Variants in RTN4RL2 observed in about 807,000 individuals in gnomAD.
RTN4RL2 encodes the protein reticulon-4 receptor-like 2.
A neutral mutation model predicts 27.8 loss-of-function variants in RTN4RL2; 9 were observed. The ratio of observed to expected loss-of-function variants is 0.32; its 90% CI spans 0.20 to 0.57. The LOEUF (loss-of-function observed/expected upper bound fraction) is 0.57. Among genes scored for constraint, RTN4RL2 ranks in the 20% least tolerant of loss-of-function variants. The probability of loss-of-function intolerance (pLI) is 0.90; values close to 1 mark genes in which losing one functional copy is unlikely to be tolerated. For missense variants in RTN4RL2, 436 were observed against 596.8 expected, an observed-to-expected ratio of 0.73 and a Z score of 2.81; for synonymous variants, 285 against 297.9, an observed-to-expected ratio of 0.96 and a Z score of 0.45.
chr11:57,460,888 T>C lies in RTN4RL2; in HGVS notation c.23T>C (p.Leu8Pro). Residue 8 changes from leucine (L) to proline (P), a missense_variant, in exon 1 of 3, where the codon CTG (leucine) becomes CCG (proline). Leu to Pro is a moderately conservative substitution (Grantham distance 98, BLOSUM62 -3). Coordinates refer to ENST00000335099, the MANE Select transcript of RTN4RL2 (RefSeq NM_178570.3). MLPGLRR[L>P]LQAPASACLL... ...AAGATGCTGCCCGGGCTCAGGCGCCTGCTGCAAGGTAAGAACGCCAGCGGC... is the reference window on the plus strand; with the variant it reads ...AAGATGCTGCCCGGGCTCAGGCGCCCGCTGCAAGGTAAGAACGCCAGCGGC... The C allele has an allele frequency of 7.1e-7, 1 of 1,403,906 alleles. No homozygotes were observed. The highest frequency in any genetic ancestry group is 9.4e-7 in the Non-Finnish European group (1 of 1,064,878). The allele number at this position is 1,403,906 out of a possible 1,614,324, so 87.0% of individuals were successfully genotyped here. A position where few individuals can be genotyped will look rare whatever the true frequency, so the allele number is the denominator to read the frequency against.
intron 2 of RTN4RL2, among the ~76,000 whole-genome samples, chr11:57,470,679 G>C (rs936565250): frequency 6.6e-6 from 1 of 152,016 alleles, no homozygotes; most frequent in East Asian, 1.9e-4. Context: ...TACTAATACT[G>C]AGATCAAATA....
intron 1 of RTN4RL2, among the ~76,000 whole-genome samples, chr11:57,464,841 C>G (rs1290573923): frequency 6.6e-6 from 1 of 152,172 alleles, no homozygotes; most frequent in African/African-American, 2.4e-5. Context: ...CTCCACCCCA[C>G]GTGGGTCTAA....
chr11:57,475,239 G>GA (rs759260859), intron 2 of RTN4RL2, among the ~76,000 whole-genome samples: 7 of 152,172 alleles, frequency 4.6e-5, no homozygotes, highest in East Asian at 3.8e-4. Flanking sequence ...TGAGGAACCT[G>GA]AGACTCCATG....
intron 1 of RTN4RL2, among the ~76,000 whole-genome samples, chr11:57,465,069 G>C (rs1943512120): frequency 6.6e-6 from 1 of 152,194 alleles, no homozygotes; most frequent in Admixed American, 6.5e-5. Flanking sequence ...GCCAGGAGGG[G>C]CCGGGGACAC....
intron 2 of RTN4RL2, among the ~76,000 whole-genome samples, chr11:57,469,045 A>G (rs1342109323): frequency 6.6e-6 from 1 of 152,134 alleles, no homozygotes; most frequent in Non-Finnish European, 1.5e-5. Flanking sequence ...CCCTCTCCCT[A>G]CTTGAACCTG....
chr11:57,475,146 A>G (rs1233466071), intron 2 of RTN4RL2, among the ~76,000 whole-genome samples: 1 of 152,176 alleles, frequency 6.6e-6, no homozygotes, highest in South Asian at 2.1e-4. Context: ...CCTGCCAGAT[A>G]CTGTACCCTT....
At chr11:57,464,172 G>A (rs1457375344) in intron 1 of RTN4RL2, among the ~76,000 whole-genome samples, 5 of 152,302 alleles carry the variant, frequency 3.3e-5, no homozygotes, top group African/African-American at 1.2e-4. Flanking sequence ...GGAACAAGAT[G>A]GAAGGAGAGT....
In RTN4RL2 at chr11:57,476,014, C is replaced by T; in HGVS notation, c.514-148C>T. 1.3e-6 allele frequency: 1 copy of T among 785,210 alleles called. No homozygotes were observed. Among genetic ancestry groups the T allele is most frequent in the Non-Finnish European group, 2.1e-6 (1 of 484,996 alleles). 48.6% of individuals were successfully genotyped at this position (785,210 alleles called of 1,614,324 possible). A position where few individuals can be genotyped will look rare whatever the true frequency, so the allele number is the denominator to read the frequency against. ...CAAATAGGTTAGAGGAGGCAGAATC[C>T]AAATCCAGGATGCTATGAATCAAAA... On this transcript the variant is annotated intron_variant, in intron 2 of 2. Coordinates refer to ENST00000335099, the MANE Select transcript of RTN4RL2 (RefSeq NM_178570.3). The surrounding 1 kb of genome is among the most constrained non-coding windows in gnomAD (Gnocchi z 8.2).
intron 1 of RTN4RL2, among the ~76,000 whole-genome samples, chr11:57,463,972 T>C (rs2135115542): frequency 6.6e-6 from 1 of 151,484 alleles, no homozygotes; most frequent in Non-Finnish European, 1.5e-5. Context: ...AGCCGCTGCG[T>C]GAATTATGGA....
chr11:57,469,526 G>T (rs1225249521), intron 2 of RTN4RL2, among the ~76,000 whole-genome samples: 1 of 152,030 alleles, frequency 6.6e-6, no homozygotes, highest in Non-Finnish European at 1.5e-5. Flanking sequence ...ATCTCCTAGG[G>T]ATTTTGAAAG....
chr11:57,468,874 T>A, intron 2 of RTN4RL2: 2 of 884,824 alleles, frequency 2.3e-6, no homozygotes, highest in Non-Finnish European at 3.6e-6. Context: ...ATTATTGATC[T>A]AATTATTGTT....
rs77849787 is a variant in RTN4RL2 at position 57,464,886 on chromosome 11, G to A, written c.32-2723G>A. On this transcript the variant is annotated intron_variant, in intron 1 of 2. Transcript: ENST00000335099. The stretch of plus-strand genomic sequence containing the variant: ...GAGGAGAAAGTAATCGTGAAACGCC[G>A]CACGGGGGAGGGGTGAGAAGGGCCG... Among the ~76,000 whole-genome samples, 188 of 152,294 alleles carry A rather than the reference G, an allele frequency of 1.2e-3. 1 individual carries two copies. The highest frequency in any genetic ancestry group is 4.4e-3 in the African/African-American group (182 of 41,564).
chr11:57,474,707 C>T (rs1022081353), intron 2 of RTN4RL2, among the ~76,000 whole-genome samples: 5 of 152,210 alleles, frequency 3.3e-5, no homozygotes, highest in Non-Finnish European at 7.4e-5. Flanking sequence ...GTGAGCTGGG[C>T]TGATGGGTGC....
chr11:57,476,788 AG>A lies in RTN4RL2; in HGVS notation c.1144del (p.Glu382SerfsTer142). The A allele has an allele frequency of 6.7e-7, 1 of 1,502,546 alleles. No homozygotes were observed. The highest frequency in any genetic ancestry group is 2.6e-5 in the East Asian group (1 of 37,770). 93.1% of individuals were successfully genotyped at this position (1,502,546 alleles called of 1,614,324 possible). A position where few individuals can be genotyped will look rare whatever the true frequency, so the allele number is the denominator to read the frequency against. ...GGGGCTACGGGGGTGAGGACCAGCG[AG>A]GGGAGCAGATGTGCCCCGGCGCTGC... is the stretch of plus-strand genomic sequence containing the variant. The part of the protein sequence containing the change: ...WGGYGGEDQR[G>X]EQMCPGAACQ... On this transcript the variant is annotated frameshift_variant, in exon 3 of 3. Transcript: ENST00000335099. LOFTEE classifies it high-confidence loss of function. The surrounding 1 kb of genome is among the most constrained non-coding windows in gnomAD (Gnocchi z 8.2).
At chr11:57,465,633 A>C (rs555802951) in intron 1 of RTN4RL2, among the ~76,000 whole-genome samples, 10 of 152,286 alleles carry the variant, frequency 6.6e-5, no homozygotes, top group Non-Finnish European at 1.5e-4. Flanking sequence ...CCTGGAAATC[A>C]TAAGAAAGTG....
intron 2 of RTN4RL2, among the ~76,000 whole-genome samples, chr11:57,469,366 C>T (rs535394840): frequency 3.9e-5 from 6 of 152,158 alleles, no homozygotes; most frequent in South Asian, 4.1e-4. Flanking sequence ...TAGCAGTAGC[C>T]GCCACCACTT....
intron 2 of RTN4RL2, chr11:57,468,419 TCCC>T (rs1270739688): frequency 9.4e-6 from 7 of 744,386 alleles, no homozygotes; most frequent in South Asian, 7.0e-5. Context: ...CTAACTTGCC[TCCC>T]CCATCTGTCT....
At position 57,467,950 on chromosome 11, in the gene RTN4RL2, G is replaced by A. The variant is rs778718032; in HGVS notation, c.373G>A (p.Asp125Asn). The stretch of plus-strand genomic sequence containing the variant: ...CCGGCACCTGCGCTCGCTGGAGCCC[G>A]ACACCTTCCAGGGCCTGGAGCGGCT... ...DNRHLRSLEP[D>N]TFQGLERLQS... The change falls in exon 2 of 3, where the codon GAC becomes AAC. Residue 125 changes from aspartate to asparagine, a missense_variant. Asp to Asn is a conservative substitution (Grantham distance 23, BLOSUM62 1). Around this residue, in one of 3 missense-constraint regions of RTN4RL2, gnomAD observed 365 missense variants for 530.5 expected, o/e 0.69. Coordinates refer to ENST00000335099, the MANE Select transcript of RTN4RL2 (RefSeq NM_178570.3). The surrounding 1 kb of genome is among the most constrained non-coding windows in gnomAD (Gnocchi z 5.5). The A allele has an allele frequency of 6.8e-6, 11 of 1,612,480 alleles. No individual in the cohort carries two copies. The highest frequency in any genetic ancestry group is 2.2e-5 in the East Asian group (1 of 44,892).
Position 57,476,789 on chromosome 11 carries a change from G to A in RTN4RL2, c.1141G>A (p.Gly381Arg), listed in dbSNP as rs769523214. 1.3e-6 allele frequency: 2 copies of A among 1,504,348 alleles called. No homozygotes were observed. The highest frequency in any genetic ancestry group is 1.8e-6 in the Non-Finnish European group (2 of 1,133,740). The allele number at this position is 1,504,348 out of a possible 1,614,324, so 93.2% of individuals were successfully genotyped here. A position where few individuals can be genotyped will look rare whatever the true frequency, so the allele number is the denominator to read the frequency against. The part of the protein sequence containing the change: ...WGGYGGEDQR[G>R]EQMCPGAACQ... Reference sequence around the variant, plus strand: ...GGGCTACGGGGGTGAGGACCAGCGAGGGGAGCAGATGTGCCCCGGCGCTGC... The same window carrying A: ...GGGCTACGGGGGTGAGGACCAGCGAAGGGAGCAGATGTGCCCCGGCGCTGC... Residue 381 changes from glycine to arginine, a missense_variant, in exon 3 of 3, where the codon GGG (glycine) becomes AGG (arginine). By Grantham distance (125) the Gly-to-Arg change is moderately radical (BLOSUM62 -2). Around this residue, in one of 3 missense-constraint regions of RTN4RL2, gnomAD observed 60 missense variants for 43.0 expected, o/e 1.40. Coordinates refer to ENST00000335099, the MANE Select transcript of RTN4RL2 (RefSeq NM_178570.3). The surrounding 1 kb of genome is among the most constrained non-coding windows in gnomAD (Gnocchi z 8.2).
Sources: gnomAD v4.1 joint callset for allele counts (sites outside exome capture counted in the v4.1 genomes callset) on GRCh38, gnomAD v4.1.1 for gene constraint, gnomAD v4.1.1 regional missense constraint, Gnocchi (gnomAD v3.1) non-coding constraint, MANE v1.5 for transcripts, NCBI Gene and HGNC (gene_info 2026-07-23, HGNC 2026-07-21) for gene names.